Variants in PCP4L1 observed in about 807,000 individuals in gnomAD.
PCP4L1 encodes Purkinje cell protein 4-like protein 1.
PCP4L1 carries 9 observed loss-of-function variants against 9.6 expected under a neutral mutation model. That is an observed-to-expected ratio of 0.94 (90% CI 0.57 to 1.64). The LOEUF is 1.64. Among genes scored for constraint, PCP4L1 ranks in the 40% most tolerant of loss-of-function variants. The pLI is 0.00. For synonymous variants in PCP4L1, 31 were observed against 28.2 expected (o/e 1.10, Z -0.31); for missense variants, 81 against 80.8 (o/e 1.00, Z -0.01).
At chr1:161,267,757 G>T (rs1261119288) in intron 1 of PCP4L1, among the ~76,000 whole-genome samples, 2 of 152,090 alleles carry the variant, frequency 1.3e-5, no homozygotes, top group Admixed American at 6.5e-5. Flanking sequence ...GCCTAGGCTG[G>T]AGTGGAGTGC....
chr1:161,282,028 A>G (rs1669826288), intron 1 of PCP4L1, among the ~76,000 whole-genome samples: 1 of 152,196 alleles, frequency 6.6e-6, no homozygotes, highest in African/African-American at 2.4e-5. Flanking sequence ...TGGGAGGCCA[A>G]GGCAGGCTGC....
chr1:161,262,796 G>T (rs1324352771), intron 1 of PCP4L1, among the ~76,000 whole-genome samples: 2 of 152,196 alleles, frequency 1.3e-5, no homozygotes, highest in Admixed American at 6.5e-5. Flanking sequence ...TAGAGTTGCA[G>T]GCAGAGAGGA....
intron 1 of PCP4L1, among the ~76,000 whole-genome samples, chr1:161,264,176 G>T (rs1372608250): frequency 6.6e-6 from 1 of 151,688 alleles, no homozygotes; most frequent in Non-Finnish European, 1.5e-5. Context: ...GTCTCCCAAA[G>T]TGCTGGGATT....
intron 1 of PCP4L1, among the ~76,000 whole-genome samples, chr1:161,267,577 A>G (rs572383398): frequency 4.1e-4 from 62 of 152,372 alleles, no homozygotes; most frequent in African/African-American, 1.1e-3. Context: ...GAGGAAACAC[A>G]GCCCAAGAAG....
chr1:161,282,748 A>G (rs1293172046), intron 1 of PCP4L1, among the ~76,000 whole-genome samples: 1 of 151,908 alleles, frequency 6.6e-6, no homozygotes, highest in Non-Finnish European at 1.5e-5. Flanking sequence ...CGGCAGCTCT[A>G]TTTTTTTCAG....
At chr1:161,278,646 C>G (rs1669743246) in intron 1 of PCP4L1, among the ~76,000 whole-genome samples, 1 of 152,112 alleles carries the variant, frequency 6.6e-6, no homozygotes, top group South Asian at 2.1e-4. Context: ...GCCCCAAAAC[C>G]TATAATGCCT....
intron 1 of PCP4L1, among the ~76,000 whole-genome samples, chr1:161,278,237 ACAGG>A (rs1437776594): frequency 6.6e-6 from 1 of 152,144 alleles, no homozygotes; most frequent in Non-Finnish European, 1.5e-5. Context: ...TGAAAAATAT[ACAGG>A]CAGATCCAGC....
intron 1 of PCP4L1, among the ~76,000 whole-genome samples, chr1:161,276,900 T>C (rs1669709744): frequency 6.6e-6 from 1 of 152,206 alleles, no homozygotes; most frequent in South Asian, 2.1e-4. Flanking sequence ...ATAATTTTTT[T>C]CTAAATTATT....
intron 1 of PCP4L1, among the ~76,000 whole-genome samples, chr1:161,270,851 GTGAT>G (rs61619589): frequency 0.42 from 61,382 of 145,624 alleles, 12,777 homozygotes; most frequent in Admixed American, 0.48. Flanking sequence ...CTCCAGCCTG[GTGAT>G]TGATAGAGGG....
At chr1:161,270,662 A>G (rs1392005882) in intron 1 of PCP4L1, among the ~76,000 whole-genome samples, 1 of 151,844 alleles carries the variant, frequency 6.6e-6, no homozygotes, top group Non-Finnish European at 1.5e-5. Flanking sequence ...TCACAAGGTC[A>G]AGAGATTGAG....
chr1:161,267,378 T>C (rs540917141), intron 1 of PCP4L1, among the ~76,000 whole-genome samples: 4 of 152,240 alleles, frequency 2.6e-5, no homozygotes, highest in Non-Finnish European at 5.9e-5. Flanking sequence ...TGTCTGTTGC[T>C]GCTGTTGACA....
At chr1:161,267,413 C>T (rs1387422336) in intron 1 of PCP4L1, among the ~76,000 whole-genome samples, 4 of 152,164 alleles carry the variant, frequency 2.6e-5, no homozygotes, top group Non-Finnish European at 4.4e-5. Context: ...TTTAAAGAGC[C>T]CAGTGGGCTG....
At chr1:161,262,138 G>A (rs1669426756) in intron 1 of PCP4L1, among the ~76,000 whole-genome samples, 1 of 152,084 alleles carries the variant, frequency 6.6e-6, no homozygotes, top group South Asian at 2.1e-4. Flanking sequence ...TACTGCTATT[G>A]AAATGCCTTC....
chr1:161,274,429 G>C lies in PCP4L1; in HGVS notation c.10-9239G>C, dbSNP rs568511414. 5.6e-4 allele frequency among the ~76,000 whole-genome samples: 85 copies of C among 152,162 alleles called. No individual in the cohort carries two copies. The South Asian group carries it at 0.017, about 30-fold the overall frequency. On this transcript the variant is annotated intron_variant, in intron 1 of 2. Transcript: ENST00000504449. ...TGTGATCCATACCTGGCTAGAATGA[G>C]GAGCTGAGAAGTGCTGACCTGTTAC...
At chr1:161,271,055 G>A (rs566367818) in intron 1 of PCP4L1, among the ~76,000 whole-genome samples, 9 of 152,310 alleles carry the variant, frequency 5.9e-5, no homozygotes, top group African/African-American at 1.9e-4. Context: ...ACAAATGTAT[G>A]TGTGAATATA....
intron 1 of PCP4L1, among the ~76,000 whole-genome samples, chr1:161,266,383 C>G (rs1039331226): frequency 3.3e-5 from 5 of 152,196 alleles, no homozygotes; most frequent in African/African-American, 4.8e-5. Context: ...TCTCTCTCCC[C>G]CATTCCCTAA....
chr1:161,284,696 AGG>A lies in PCP4L1; in HGVS notation c.*217_*218del. The A allele has an allele frequency of 1.6e-6, 1 of 625,890 alleles. No homozygotes were observed. Among genetic ancestry groups the A allele is most frequent in the Non-Finnish European group, 2.8e-6 (1 of 361,934 alleles). The allele number at this position is 625,890 out of a possible 1,614,324, so 38.8% of individuals were successfully genotyped here. On this transcript the variant is annotated 3_prime_UTR_variant, in exon 3 of 3. Transcript: ENST00000504449. The stretch of plus-strand genomic sequence containing the variant: ...ACTTCAATCAGCAGTCACTAGTCTA[AGG>A]GTGGAACAATTTCTTCTTGGTATAA...
At position 161,272,186 on chromosome 1, in the gene PCP4L1, C is replaced by CTTTT. The variant is rs11365328; in HGVS notation, c.10-11472_10-11469dup. Among the ~76,000 whole-genome samples the CTTTT allele has an allele frequency of 3.0e-3, 435 of 145,438 alleles. 1 individual carries two copies. The highest frequency in any genetic ancestry group is 0.014 in the Middle Eastern group (4 of 288). On this transcript the variant is annotated intron_variant, in intron 1 of 2. Transcript: ENST00000504449. ...TATAGTGATCAGATTGGGGTAATCC[C>CTTTT]TTTTTTTTTTTTTAAGCAAATTCTT...
intron 1 of PCP4L1, among the ~76,000 whole-genome samples, chr1:161,282,325 G>A (rs1329030817): frequency 6.6e-6 from 1 of 150,416 alleles, no homozygotes. Flanking sequence ...GCAGTGAGCC[G>A]AGATGGCAGC....
Sources: allele counts gnomAD v4.1 joint callset (sites outside exome capture counted in the v4.1 genomes callset), GRCh38; gene constraint gnomAD v4.1.1; transcripts MANE v1.5; gene names NCBI Gene and HGNC (gene_info 2026-07-23, HGNC 2026-07-21).